Variants in IKZF2 observed in about 807,000 individuals in gnomAD.
IKZF2 encodes the protein IKAROS family zinc finger 2.
A neutral mutation model predicts 49.2 loss-of-function variants in IKZF2; 15 were observed. The observed-to-expected ratio is 0.30, with a 90% CI of 0.20 to 0.47. The LOEUF (loss-of-function observed/expected upper bound fraction) is 0.47, where lower values mean the gene tolerates loss of function less well. Among genes scored for constraint, IKZF2 ranks in the 20% least tolerant of loss-of-function variants. IKZF2 has a pLI of 1.00. For missense variants in IKZF2, 567 were observed against 664.6 expected (o/e 0.85, Z 1.61); for synonymous variants, 227 against 221.4 (o/e 1.03, Z -0.23).
intron 5 of IKZF2, among the ~76,000 whole-genome samples, chr2:213,054,679 A>G (rs1700977279): frequency 6.6e-6 from 1 of 152,206 alleles, no homozygotes; most frequent in Non-Finnish European, 1.5e-5. Context: ...AGATCTGAAG[A>G]AAGTATAATA....
intron 6 of IKZF2, among the ~76,000 whole-genome samples, chr2:213,026,325 C>A (rs948699168): frequency 1.3e-5 from 2 of 152,114 alleles, no homozygotes; most frequent in Admixed American, 6.5e-5. Flanking sequence ...GACCCTCATG[C>A]TTAGAACACT....
rs571999038 is a variant in IKZF2, at chr2:213,143,917, T to C, written c.139+3791A>G. 9.9e-5 allele frequency among the ~76,000 whole-genome samples: 15 copies of C among 152,090 alleles called. No homozygotes were observed. The East Asian group carries it at 1.5e-3, about 16-fold the overall frequency. ...CCCTGAGAAGGTGACATTGTAGAGATAGCAGTTATCTAACTAACCCACAAG... is the reference window on the plus strand; with the variant it reads ...CCCTGAGAAGGTGACATTGTAGAGACAGCAGTTATCTAACTAACCCACAAG... On this transcript the variant is annotated intron_variant, in intron 4 of 8. Coordinates refer to ENST00000434687, the MANE Select transcript of IKZF2 (RefSeq NM_001387220.1).
intron 4 of IKZF2, among the ~76,000 whole-genome samples, chr2:213,100,812 G>A (rs1286324833): frequency 6.6e-6 from 1 of 151,990 alleles, no homozygotes; most frequent in Non-Finnish European, 1.5e-5. Context: ...ATAAAGAGAA[G>A]TCCCAATATT....
At chr2:213,024,874 T>C (rs537837571) in intron 6 of IKZF2, among the ~76,000 whole-genome samples, 4 of 152,184 alleles carry the variant, frequency 2.6e-5, no homozygotes, top group African/African-American at 9.6e-5. Flanking sequence ...TATACATGTG[T>C]TTATCTGTAC....
intron 7 of IKZF2, among the ~76,000 whole-genome samples, chr2:213,019,304 C>CA (rs1313752542): frequency 6.6e-6 from 1 of 151,966 alleles, no homozygotes; most frequent in Non-Finnish European, 1.5e-5. Flanking sequence ...ATATCTACCA[C>CA]AAAAAAGGAA....
At chr2:213,015,552 A>G (rs996032) in intron 7 of IKZF2, among the ~76,000 whole-genome samples, 85,327 of 151,892 alleles carry the variant, frequency 0.56, 24,789 homozygotes, top group East Asian at 0.82. Context: ...AGGATGACCA[A>G]TTCACGTAAG....
chr2:213,102,856 A>C (rs901580532), intron 4 of IKZF2, among the ~76,000 whole-genome samples: 1 of 152,120 alleles, frequency 6.6e-6, no homozygotes, highest in Non-Finnish European at 1.5e-5. Flanking sequence ...GCATGAAGGC[A>C]TCAAGAGGAA....
chr2:213,036,783 G>T (rs1382964669), intron 6 of IKZF2, among the ~76,000 whole-genome samples: 1 of 151,940 alleles, frequency 6.6e-6, no homozygotes, highest in East Asian at 1.9e-4. Flanking sequence ...TTTCTTATTT[G>T]TCTGATTTTC....
chr2:213,054,229 G>A lies in IKZF2; in HGVS notation c.406+2604C>T, dbSNP rs550800666. 9.2e-5 allele frequency among the ~76,000 whole-genome samples: 14 copies of A among 151,974 alleles called. No individual in the cohort carries two copies. In the South Asian group the frequency reaches 2.9e-3, roughly 32 times the overall value. On this transcript the variant is annotated intron_variant, in intron 5 of 8. Coordinates refer to ENST00000434687, the MANE Select transcript of IKZF2 (RefSeq NM_001387220.1). ...ACTACACTCCAGCCTGGGCGACAGA[G>A]CAAGACTCCAACTCAAAAAAAAAAT... is the stretch of plus-strand genomic sequence containing the variant.
chr2:213,000,102 G>C lies in IKZF2; in HGVS notation c.*7258C>G, dbSNP rs1220018970. On this transcript the variant is annotated 3_prime_UTR_variant, in exon 9 of 9. Transcript: ENST00000434687. ...GAGGTCTCCAAATCAGTATGTAGTA[G>C]AGTGACTTGTCACACAGCTGCAAAG... is the stretch of plus-strand genomic sequence containing the variant. 6.6e-6 allele frequency: 1 copy of C among 151,768 alleles called. No homozygotes were observed. Among genetic ancestry groups the C allele is most frequent in the East Asian group, 1.9e-4 (1 of 5,164 alleles). 9.4% of individuals were successfully genotyped at this position (151,768 alleles called of 1,614,324 possible).
At chr2:213,093,640 C>A (rs945707624) in intron 4 of IKZF2, among the ~76,000 whole-genome samples, 1 of 152,058 alleles carries the variant, frequency 6.6e-6, no homozygotes, top group African/African-American at 2.4e-5. Flanking sequence ...AAGGATAGAG[C>A]CTTGTCTGTT....
At chr2:213,014,043 G>A (rs1310736238) in intron 7 of IKZF2, 109 bp from the exon 8 acceptor site, 3 of 902,012 alleles carry the variant, frequency 3.3e-6, no homozygotes, top group African/African-American at 3.3e-5. Flanking sequence ...GTATGCTTCA[G>A]TAGAAGCAAG....
chr2:213,095,210 T>C (rs191846557), intron 4 of IKZF2, among the ~76,000 whole-genome samples: 4 of 152,240 alleles, frequency 2.6e-5, no homozygotes, highest in African/African-American at 4.8e-5. Flanking sequence ...TAAATGTGCA[T>C]ATAGATAGCT....
chr2:213,133,604 A>G (rs1822147), intron 4 of IKZF2, among the ~76,000 whole-genome samples: 144,292 of 151,898 alleles, frequency 0.95, 68,559 homozygotes, highest in East Asian at 1. Context: ...GGTGGCAGGT[A>G]CCTGTAATCT....
intron 4 of IKZF2, among the ~76,000 whole-genome samples, chr2:213,087,784 T>G (rs920541607): frequency 2.0e-5 from 3 of 152,136 alleles, no homozygotes; most frequent in African/African-American, 4.8e-5. Context: ...AGTTTGCTCA[T>G]AATGATGGTT....
chr2:213,030,912 A>G (rs1365852380), intron 6 of IKZF2, among the ~76,000 whole-genome samples: 1 of 147,278 alleles, frequency 6.8e-6, no homozygotes, highest in Non-Finnish European at 1.5e-5. Flanking sequence ...TGCAACCTCC[A>G]CCTCCTGGGT....
chr2:213,134,502 G>A (rs2060585890), intron 4 of IKZF2, among the ~76,000 whole-genome samples: 1 of 152,176 alleles, frequency 6.6e-6, no homozygotes, highest in African/African-American at 2.4e-5. Flanking sequence ...GTCCAAGATG[G>A]CCACTGATAA....
chr2:213,080,811 G>A (rs116169130), intron 4 of IKZF2, among the ~76,000 whole-genome samples: 1,588 of 151,896 alleles, frequency 0.01, 7 homozygotes, highest in Non-Finnish European at 0.016. Flanking sequence ...AATTCTAATA[G>A]GTTTGACAAT....
At chr2:213,134,172 G>A (rs949414178) in intron 4 of IKZF2, among the ~76,000 whole-genome samples, 7 of 152,164 alleles carry the variant, frequency 4.6e-5, no homozygotes, top group Non-Finnish European at 7.3e-5. Context: ...CACTTCGAGA[G>A]GAAAATGGAA....
Sources: gnomAD v4.1 joint callset for allele counts (sites outside exome capture counted in the v4.1 genomes callset) on GRCh38, gnomAD v4.1.1 for gene constraint, MANE v1.5 for transcripts, NCBI Gene and HGNC (gene_info 2026-07-23, HGNC 2026-07-21) for gene names.